Variants in PXYLP1 observed in about 807,000 individuals in gnomAD.
PXYLP1 encodes 2-phosphoxylose phosphatase 1.
PXYLP1 carries 17 observed loss-of-function variants against 37.9 expected under a neutral mutation model. The observed-to-expected ratio is 0.45, with a 90% CI of 0.31 to 0.67. The LOEUF is 0.67. Among genes scored for constraint, PXYLP1 ranks in the 30% least tolerant of loss-of-function variants. PXYLP1 has a pLI of 0.07. For synonymous variants in PXYLP1, 221 were observed against 232.2 expected (o/e 0.95, Z 0.44); for missense variants, 511 against 612.0 (o/e 0.84, Z 1.74).
intron 2 of PXYLP1, among the ~76,000 whole-genome samples, chr3:141,265,119 GC>G (rs1393680751): frequency 6.6e-6 from 1 of 152,080 alleles, no homozygotes; most frequent in Non-Finnish European, 1.5e-5. Context: ...GTGAGAGAGA[GC>G]AGGCCCAGGT....
chr3:141,243,712 G>A (rs908015650), intron 1 of PXYLP1, among the ~76,000 whole-genome samples: 12 of 152,226 alleles, frequency 7.9e-5, no homozygotes, highest in Admixed American at 7.2e-4. Context: ...GGGTTCGGCA[G>A]GTGGATGGAG....
rs745613492 is a variant in PXYLP1 at position 141,293,399 on chromosome 3, C to A, written c.*194C>A. The A allele has an allele frequency of 8.3e-5, 51 of 610,802 alleles. No individual in the cohort carries two copies. Among genetic ancestry groups the A allele is most frequent in the Non-Finnish European group, 1.4e-4 (48 of 354,262 alleles). 37.8% of individuals were successfully genotyped at this position (610,802 alleles called of 1,614,324 possible). On this transcript the variant is annotated 3_prime_UTR_variant, in exon 6 of 6. Transcript: ENST00000286353. ...AATGTGGTACGTGAATTGCTTGGTA[C>A]AAAATGGCCAGTTCACAGAGGAATA...
At chr3:141,256,443 T>C (rs921776962) in intron 1 of PXYLP1, among the ~76,000 whole-genome samples, 6 of 152,096 alleles carry the variant, frequency 3.9e-5, no homozygotes, top group Admixed American at 6.5e-5. Context: ...CACTGAAGTG[T>C]CCCCAGCAAA....
chr3:141,254,307 ACTGTGTC>A (rs1941210676), intron 1 of PXYLP1, among the ~76,000 whole-genome samples: 1 of 152,160 alleles, frequency 6.6e-6, no homozygotes. Context: ...TATGACAAAA[ACTGTGTC>A]CTGTATCCTG....
At chr3:141,244,248 C>T (rs965533657) in intron 1 of PXYLP1, among the ~76,000 whole-genome samples, 1 of 152,126 alleles carries the variant, frequency 6.6e-6, no homozygotes, top group African/African-American at 2.4e-5. Flanking sequence ...CTAAAGTGTA[C>T]AATGAAAAGT....
At chr3:141,233,463 C>CAAAAAA in intron 1 of PXYLP1, among the ~76,000 whole-genome samples, 1 of 79,400 alleles carries the variant, frequency 1.3e-5, no homozygotes, top group Non-Finnish European at 2.5e-5. Context: ...AAAACCCTGT[C>CAAAAAA]AAAAAAAAAA....
chr3:141,238,447 C>T (rs1940710667), intron 1 of PXYLP1, among the ~76,000 whole-genome samples: 1 of 152,240 alleles, frequency 6.6e-6, no homozygotes, highest in African/African-American at 2.4e-5. Flanking sequence ...TCGAGTGCTT[C>T]TCTGCCTCGT....
chr3:141,249,980 G>GGAAAAAAAATCTC (rs1941105256), intron 1 of PXYLP1, among the ~76,000 whole-genome samples: 1 of 152,090 alleles, frequency 6.6e-6, no homozygotes, highest in African/African-American at 2.4e-5. Context: ...AATCTCAAAG[G>GGAAAAAAAATCTC]AGAGAGTGGT....
chr3:141,289,377 G>T (rs1567559), intron 5 of PXYLP1, among the ~76,000 whole-genome samples: 76,578 of 151,838 alleles, frequency 0.5, 20,516 homozygotes, highest in South Asian at 0.67. Context: ...ACAGAGACAC[G>T]TGTCCCTTCT....
chr3:141,237,618 A>G (rs1458830354), intron 1 of PXYLP1, among the ~76,000 whole-genome samples: 1 of 152,242 alleles, frequency 6.6e-6, no homozygotes, highest in Non-Finnish European at 1.5e-5. Context: ...CACATGGTAC[A>G]TGCTTTAAAA....
intron 5 of PXYLP1, among the ~76,000 whole-genome samples, chr3:141,287,835 A>G (rs1408847383): frequency 2.0e-5 from 3 of 152,136 alleles, no homozygotes; most frequent in Non-Finnish European, 4.4e-5. Flanking sequence ...ACTCAACAAC[A>G]CATTTTGTTA....
At chr3:141,280,901 T>C (rs1941938265) in intron 4 of PXYLP1, among the ~76,000 whole-genome samples, 1 of 152,230 alleles carries the variant, frequency 6.6e-6, no homozygotes, top group Non-Finnish European at 1.5e-5. Flanking sequence ...CACAAGTTTG[T>C]TGCCCCAGGG....
At chr3:141,248,512 T>TAC (rs1163356024) in intron 1 of PXYLP1, among the ~76,000 whole-genome samples, 6,763 of 101,946 alleles carry the variant, frequency 0.066, 324 homozygotes, top group Admixed American at 0.14. Context: ...TATATATATA[T>TAC]ACACACACAC....
At position 141,268,412 on chromosome 3, in the gene PXYLP1, A is replaced by T. The variant is rs551543093; in HGVS notation, c.79+8158A>T. ...ATGTGGCTGTACCCACTGCAGGGAGAGCGCGAGGCCAGCTGGAGTCTGGCA... is the reference window on the plus strand; with the variant it reads ...ATGTGGCTGTACCCACTGCAGGGAGTGCGCGAGGCCAGCTGGAGTCTGGCA... On this transcript the variant is annotated intron_variant, in intron 2 of 5. Transcript: ENST00000286353. Among the ~76,000 whole-genome samples, 3 of 152,288 alleles carry T rather than the reference A, an allele frequency of 2.0e-5. No homozygotes were observed. In the East Asian group the frequency reaches 5.8e-4, roughly 29 times the overall value.
rs558065824 is a variant in PXYLP1 at position 141,287,087 on chromosome 3, G to A, written c.366-227G>A. The stretch of plus-strand genomic sequence containing the variant: ...GCGAAGCTGAATCCCACAGTACTGA[G>A]TTCAGCAGAGGTTAGGAACTCTGGC... On this transcript the variant is annotated intron_variant, in intron 4 of 5. Coordinates refer to ENST00000286353, the MANE Select transcript of PXYLP1 (RefSeq NM_001037172.3). Among the ~76,000 whole-genome samples the A allele has an allele frequency of 1.9e-4, 29 of 152,350 alleles. No homozygotes were observed. The East Asian group carries it at 5.6e-3, about 29-fold the overall frequency.
chr3:141,291,873 T>G (rs2148848664), intron 5 of PXYLP1: 1 of 183,250 alleles, frequency 5.5e-6, no homozygotes, highest in Middle Eastern at 2.6e-3. Flanking sequence ...CGCTGCACAC[T>G]GAGGAATGCT....
At position 141,266,496 on chromosome 3, in the gene PXYLP1, C is replaced by T. The variant is rs117912477; in HGVS notation, c.79+6242C>T. On this transcript the variant is annotated intron_variant, in intron 2 of 5. Coordinates refer to ENST00000286353, the MANE Select transcript of PXYLP1 (RefSeq NM_001037172.3). ...TGGGCAGATAGAGGACAAGGGGCCACGAAGGAGACAGAACAGCAGCAGCCA... is the reference window on the plus strand; with the variant it reads ...TGGGCAGATAGAGGACAAGGGGCCATGAAGGAGACAGAACAGCAGCAGCCA... 1.1e-3 allele frequency among the ~76,000 whole-genome samples: 166 copies of T among 152,132 alleles called. 1 individual carries two copies. The highest frequency in any genetic ancestry group is 7.9e-3 in the East Asian group (41 of 5,174).
intron 2 of PXYLP1, among the ~76,000 whole-genome samples, chr3:141,266,710 C>CGGCG (rs1406202403): frequency 1.5e-4 from 14 of 93,224 alleles, no homozygotes; most frequent in African/African-American, 6.2e-4. Context: ...GAGGGAGAGA[C>CGGCG]GGCGGGGGGA....
At chr3:141,283,813 T>A (rs2148826301) in intron 4 of PXYLP1, among the ~76,000 whole-genome samples, 1 of 151,728 alleles carries the variant, frequency 6.6e-6, no homozygotes, top group South Asian at 2.1e-4. Context: ...TTGCTGAGAT[T>A]TTAAATAAAC....
Sources: gnomAD v4.1 joint callset for allele counts (sites outside exome capture counted in the v4.1 genomes callset) on GRCh38, gnomAD v4.1.1 for gene constraint, MANE v1.5 for transcripts, NCBI Gene and HGNC (gene_info 2026-07-23, HGNC 2026-07-21) for gene names.